The following CPNE7 variants were observed in gnomAD, a reference collection of about 807,000 sequenced individuals.
CPNE7 encodes copine-7.
Under a neutral mutation model 66.5 loss-of-function variants are expected in CPNE7, and 78 were observed. The ratio of observed to expected loss-of-function variants is 1.17; its 90% CI spans 0.98 to 1.42. The LOEUF is 1.42. CPNE7 is among the 40% of genes most tolerant of loss of function. The probability of loss-of-function intolerance (pLI) is 0.00; values close to 1 mark genes in which losing one functional copy is unlikely to be tolerated. For synonymous variants in CPNE7, 468 were observed against 336.7 expected (o/e 1.39, Z -4.27); for missense variants, 1,012 against 776.6 (o/e 1.30, Z -3.60).
Position 89,596,787 on chromosome 16 carries a change from C to A in CPNE7, c.*166C>A. The A allele has an allele frequency of 2.1e-6, 2 of 932,276 alleles. No homozygotes were observed. The highest frequency in any genetic ancestry group is 2.9e-6 in the Non-Finnish European group (2 of 679,878). The allele number at this position is 932,276 out of a possible 1,614,324, so 57.8% of individuals were successfully genotyped here. A position where few individuals can be genotyped will look rare whatever the true frequency, so the allele number is the denominator to read the frequency against. ...GGATCCTGCTGGCTTGGGCCCGGCT[C>A]TGGGGCCCCCAAGGCCGAAGGGTGA... On this transcript the variant is annotated 3_prime_UTR_variant, in exon 15 of 15. Coordinates refer to ENST00000319518, the MANE Select transcript of CPNE7 (RefSeq NM_153636.3).
rs2059077980 is a variant in CPNE7, at chr16:89,587,671, A to AC, written c.927+573dup. 2.7e-4 allele frequency: 108 copies of AC among 399,972 alleles called. 1 individual carries two copies. The highest frequency in any genetic ancestry group is 1.9e-3 in the South Asian group (108 of 58,038). The allele number at this position is 399,972 out of a possible 1,614,324, so 24.8% of individuals were successfully genotyped here. ...CGTGTCACCCCCATGTCACCCGCAGACCCCGCGTCACCCATAGATACGCAC... is the reference window on the plus strand; with the variant it reads ...CGTGTCACCCCCATGTCACCCGCAGACCCCCGCGTCACCCATAGATACGCAC... On this transcript the variant is annotated intron_variant, in intron 9 of 14. Coordinates refer to ENST00000319518, the MANE Select transcript of CPNE7 (RefSeq NM_153636.3).
At chr16:89,592,039 G>C (rs141203823) in intron 13 of CPNE7, among the ~76,000 whole-genome samples, 3 of 135,910 alleles carry the variant, frequency 2.2e-5, no homozygotes, top group African/African-American at 8.5e-5. Context: ...ACGGAGTCTC[G>C]CTCTGTCACC....
Position 89,593,357 on chromosome 16 carries a change from TA to T in CPNE7, c.1303-2009del, listed in dbSNP as rs2059204240. Among the ~76,000 whole-genome samples, 26 of 146,758 alleles carry T rather than the reference TA, an allele frequency of 1.8e-4. No homozygotes were observed. The South Asian group carries it at 5.3e-3, about 30-fold the overall frequency. ...GCAACATCACGGTTTTACCTCTTAA[TA>T]TTTTTTTTTTTTTGAGATGGAGTCT... On this transcript the variant is annotated intron_variant, in intron 13 of 14. Transcript: ENST00000319518.
chr16:89,594,942 G>A (rs898693514), intron 13 of CPNE7, among the ~76,000 whole-genome samples: 14 of 152,110 alleles, frequency 9.2e-5, no homozygotes, highest in Admixed American at 4.6e-4. Flanking sequence ...GTGAACCACC[G>A]CGTCCGGCCA....
chr16:89,595,272 G>A (rs939914343), intron 13 of CPNE7, 95 bp from the exon 14 acceptor site: 4 of 990,438 alleles, frequency 4.0e-6, no homozygotes, highest in East Asian at 2.5e-5. Context: ...TCTGACGCAC[G>A]GAGGCACTCT....
intron 2 of CPNE7, chr16:89,578,967 T>C (rs763008448): frequency 6.2e-7 from 1 of 1,609,830 alleles, no homozygotes; most frequent in South Asian, 1.1e-5. Context: ...CCTCACACCT[T>C]GCCAGGACGG....
intron 7 of CPNE7, 90 bp from the exon 8 acceptor site, chr16:89,586,580 C>G (rs544023691): frequency 8.6e-6 from 9 of 1,051,766 alleles, no homozygotes; most frequent in Non-Finnish European, 1.3e-5. Context: ...GGCCCTCTGC[C>G]GTCGCTATTG....
chr16:89,590,087 G>A (rs2059145480), intron 11 of CPNE7, 136 bp downstream of exon 11: 6 of 976,308 alleles, frequency 6.1e-6, no homozygotes, highest in African/African-American at 1.6e-5. Context: ...GGTGCAAAGC[G>A]GGAACCCCAG....
At chr16:89,578,878 C>T (rs1297973828) in intron 2 of CPNE7, 1 of 1,612,480 alleles carries the variant, frequency 6.2e-7, no homozygotes, top group Admixed American at 1.7e-5. Context: ...GTGGCTTCTG[C>T]AAGTCGTGAT....
rs2058935360 is a variant in CPNE7 at position 89,580,433 on chromosome 16, C to T, written c.357+2712C>T. 3.4e-5 allele frequency among the ~76,000 whole-genome samples: 4 copies of T among 118,600 alleles called. 1 individual carries two copies. The highest frequency in any genetic ancestry group is 3.2e-4 in the South Asian group (1 of 3,106). The allele number at this position is 118,600 out of a possible 152,430, so 77.8% of individuals were successfully genotyped here. On this transcript the variant is annotated intron_variant, in intron 2 of 14. Coordinates refer to ENST00000319518, the MANE Select transcript of CPNE7 (RefSeq NM_153636.3). Reference sequence around the variant, plus strand: ...ACGGAACATCCCATCACCCATCACACAGAACATCTCACCCATCACACGGAA... The same window carrying T: ...ACGGAACATCCCATCACCCATCACATAGAACATCTCACCCATCACACGGAA...
chr16:89,585,112 C>A (rs546919500), intron 5 of CPNE7, among the ~76,000 whole-genome samples: 3 of 152,218 alleles, frequency 2.0e-5, no homozygotes, highest in Admixed American at 6.5e-5. Context: ...CCACTTCCTG[C>A]AGGTGAAATG....
chr16:89,578,508 C>T (rs2058895863), intron 2 of CPNE7, among the ~76,000 whole-genome samples: 1 of 152,058 alleles, frequency 6.6e-6, no homozygotes, highest in Admixed American at 6.5e-5. Context: ...ACCTGTGATC[C>T]CAGCACTGTG....
At position 89,586,908 on chromosome 16, in the gene CPNE7, G is replaced by A. The variant is rs937170010; in HGVS notation, c.868-135G>A. The A allele has an allele frequency of 4.1e-5, 45 of 1,100,676 alleles. No homozygotes were observed. In the East Asian group the frequency reaches 9.0e-4, roughly 22 times the overall value. The allele number at this position is 1,100,676 out of a possible 1,614,324, so 68.2% of individuals were successfully genotyped here. A position where few individuals can be genotyped will look rare whatever the true frequency, so the allele number is the denominator to read the frequency against. ...AGACGGGGAAGGGCGAGGTTGGGGA[G>A]AGAGGATGGGGGAGAGGAGAGGAGG... On this transcript the variant is annotated intron_variant, in intron 8 of 14. Coordinates refer to ENST00000319518, the MANE Select transcript of CPNE7 (RefSeq NM_153636.3).
intron 13 of CPNE7, 38 bp downstream of exon 13, chr16:89,591,298 G>T: frequency 1.3e-6 from 2 of 1,521,814 alleles, no homozygotes; most frequent in African/African-American, 1.4e-5. Flanking sequence ...CTTGGTGTGG[G>T]GTCGGCTGTG....
rs140220156 is a variant in CPNE7, at chr16:89,596,443, C to G, written c.1540-41C>G. On this transcript the variant is annotated intron_variant, in intron 14 of 14. Transcript: ENST00000319518. ...AGTTGCAGGGACGGATGATCTCCAT[C>G]TCGAAGGTCCCAGAGGTAACTGCGT... The G allele has an allele frequency of 2.5e-4, 399 of 1,572,284 alleles. 2 individuals are homozygous for G. In the African/African-American group the frequency reaches 5.0e-3, roughly 20 times the overall value.
At chr16:89,586,647 G>T (rs895920107) in intron 7 of CPNE7, 23 bp from the exon 8 acceptor site, 7 of 1,599,304 alleles carry the variant, frequency 4.4e-6, no homozygotes, top group Non-Finnish European at 6.0e-6. Context: ...ACTCTGGGGG[G>T]CCTCTGCTTG....
chr16:89,576,962 C>T (rs1295732899), intron 1 of CPNE7, among the ~76,000 whole-genome samples: 2 of 151,820 alleles, frequency 1.3e-5, no homozygotes, highest in Middle Eastern at 3.2e-3. Context: ...AGCCCACCAT[C>T]CCCACGGAGG....
chr16:89,588,415 G>T (rs1464930778), intron 9 of CPNE7, among the ~76,000 whole-genome samples: 2 of 152,174 alleles, frequency 1.3e-5, no homozygotes, highest in African/African-American at 4.8e-5. Flanking sequence ...GGATGGGCGG[G>T]GCCCCCACAA....
At chr16:89,591,616 C>T (rs1032955307) in intron 13 of CPNE7, among the ~76,000 whole-genome samples, 7 of 152,180 alleles carry the variant, frequency 4.6e-5, no homozygotes, top group Non-Finnish European at 1.0e-4. Context: ...GATACGGTGC[C>T]GAGAACTGCA....
Sources: allele counts gnomAD v4.1 joint callset (sites outside exome capture counted in the v4.1 genomes callset), GRCh38; gene constraint gnomAD v4.1.1; transcripts MANE v1.5; gene names NCBI Gene and HGNC (gene_info 2026-07-23, HGNC 2026-07-21).